MAGI2: variants seen among roughly 807,000 people sequenced by gnomAD.
MAGI2 encodes the protein membrane-associated guanylate kinase, WW and PDZ domain-containing protein 2.
Under a neutral mutation model 133.3 loss-of-function variants are expected in MAGI2, and 35 were observed. The ratio of observed to expected loss-of-function variants is 0.26; its 90% CI spans 0.20 to 0.35. MAGI2 has a LOEUF of 0.35. Ranked by LOEUF, MAGI2 falls within the 10% of genes least tolerant of loss-of-function variation. The probability of loss-of-function intolerance (pLI) is 1.00; values close to 1 mark genes in which losing one functional copy is unlikely to be tolerated. For missense variants in MAGI2, 1,636 were observed against 1,863.4 expected (o/e 0.88, Z 2.25); for synonymous variants, 729 against 710.6 (o/e 1.03, Z -0.41).
At chr7:78,359,435 A>C (rs568522271) in intron 7 of MAGI2, 1 of 152,356 alleles carries the variant, frequency 6.6e-6, no homozygotes, top group East Asian at 1.9e-4. Context: ...CCAGAATGAA[A>C]TAAATTACTT....
chr7:78,487,768 G>A (rs1022758735), intron 6 of MAGI2, among the ~76,000 whole-genome samples: 1 of 152,020 alleles, frequency 6.6e-6, no homozygotes, highest in Admixed American at 6.6e-5. Context: ...CATCATCGGA[G>A]CCTCTACATT....
At chr7:79,223,480 T>C (rs1830614404) in intron 1 of MAGI2, among the ~76,000 whole-genome samples, 1 of 151,980 alleles carries the variant, frequency 6.6e-6, no homozygotes, top group South Asian at 2.1e-4. Flanking sequence ...TGTTGTTGCA[T>C]TTAATCTTCC....
intron 2 of MAGI2, among the ~76,000 whole-genome samples, chr7:78,772,072 G>A (rs1208369338): frequency 6.6e-6 from 1 of 152,126 alleles, no homozygotes; most frequent in Non-Finnish European, 1.5e-5. Flanking sequence ...TGCTAACCTA[G>A]TATAGTATTG....
chr7:78,479,540 C>A (rs1010926202), intron 6 of MAGI2, among the ~76,000 whole-genome samples: 61 of 151,992 alleles, frequency 4.0e-4, no homozygotes, highest in African/African-American at 1.4e-3. Context: ...GAGAACTAAG[C>A]AGACCAAAAA....
chr7:78,603,584 G>A lies in MAGI2; in HGVS notation c.538+23536C>T, dbSNP rs539269282. On this transcript the variant is annotated intron_variant, in intron 3 of 21. Coordinates refer to ENST00000354212, the MANE Select transcript of MAGI2 (RefSeq NM_012301.4). ...TGTCACCGAGGCTGGAGTGCACGAC[G>A]CGATGTCAGCTCACTGCAACCTCTG... Among the ~76,000 whole-genome samples the A allele has an allele frequency of 4.3e-4, 65 of 152,224 alleles. 1 individual carries two copies. Among genetic ancestry groups the A allele is most frequent in the African/African-American group, 1.4e-3 (59 of 41,542 alleles).
At chr7:79,006,062 A>T (rs950839196) in intron 2 of MAGI2, among the ~76,000 whole-genome samples, 11 of 152,172 alleles carry the variant, frequency 7.2e-5, no homozygotes, top group Non-Finnish European at 1.2e-4. Flanking sequence ...GGGCTGGGTG[A>T]TAACCTTTCC....
At chr7:78,832,856 C>G (rs926466219) in intron 2 of MAGI2, among the ~76,000 whole-genome samples, 1 of 152,162 alleles carries the variant, frequency 6.6e-6, no homozygotes, top group African/African-American at 2.4e-5. Context: ...GGGGGTTTCA[C>G]ATCACCAAGA....
chr7:78,111,197 T>C (rs912685839), intron 20 of MAGI2, among the ~76,000 whole-genome samples: 13 of 152,198 alleles, frequency 8.5e-5, no homozygotes, highest in African/African-American at 2.9e-4. Flanking sequence ...ACGGTTAAGC[T>C]TAAAAGAGAA....
chr7:78,443,870 C>T (rs976146535), intron 6 of MAGI2, among the ~76,000 whole-genome samples: 7 of 152,050 alleles, frequency 4.6e-5, no homozygotes, highest in Non-Finnish European at 8.8e-5. Context: ...AAGAACATGA[C>T]CTGTCATTCC....
chr7:78,365,115 A>G (rs938186856), intron 7 of MAGI2, among the ~76,000 whole-genome samples: 4 of 152,008 alleles, frequency 2.6e-5, no homozygotes, highest in African/African-American at 9.7e-5. Context: ...GGTCCAAACA[A>G]TAAGGATTCC....
At chr7:78,529,340 T>C (rs1797240319) in intron 3 of MAGI2, among the ~76,000 whole-genome samples, 1 of 152,212 alleles carries the variant, frequency 6.6e-6, no homozygotes, top group East Asian at 1.9e-4. Context: ...GGACACTCTT[T>C]CCTTCAGTGG....
At position 79,001,585 on chromosome 7, in the gene MAGI2, C is replaced by T. The variant is rs187945688; in HGVS notation, c.418+5505G>A. On this transcript the variant is annotated intron_variant, in intron 2 of 21. Transcript: ENST00000354212. ...TAAACAGCCGTGATTATTTTTTCCT[C>T]ATATTTAAGAAGCATGTCAGTTTAA... Among the ~76,000 whole-genome samples the T allele has an allele frequency of 2.1e-3, 314 of 152,270 alleles. 1 individual carries two copies. The highest frequency in any genetic ancestry group is 0.014 in the Middle Eastern group (4 of 294).
chr7:78,825,189 A>G lies in MAGI2; in HGVS notation c.418+181901T>C, dbSNP rs533354916. On this transcript the variant is annotated intron_variant, in intron 2 of 21. Coordinates refer to ENST00000354212, the MANE Select transcript of MAGI2 (RefSeq NM_012301.4). The stretch of plus-strand genomic sequence containing the variant: ...TATAGGTGCAGCAAACCATCATGGC[A>G]CATGTATACCTACGTAACAAACTTG... Among the ~76,000 whole-genome samples, 5 of 152,290 alleles carry G rather than the reference A, an allele frequency of 3.3e-5. No homozygotes were observed. The East Asian group carries it at 9.7e-4, about 29-fold the overall frequency.
chr7:78,565,948 C>T (rs1386708674), intron 3 of MAGI2, among the ~76,000 whole-genome samples: 6 of 152,090 alleles, frequency 3.9e-5, no homozygotes, highest in Non-Finnish European at 7.3e-5. Flanking sequence ...CTCCCTGCCT[C>T]GGTTTAGTCA....
At chr7:78,919,122 C>T (rs192307659) in intron 2 of MAGI2, among the ~76,000 whole-genome samples, 1 of 152,212 alleles carries the variant, frequency 6.6e-6, no homozygotes, top group African/African-American at 2.4e-5. Context: ...AAGAGTCACA[C>T]ATAAACCTAC....
At chr7:79,152,866 G>A (rs1202763395) in intron 1 of MAGI2, among the ~76,000 whole-genome samples, 1 of 152,190 alleles carries the variant, frequency 6.6e-6, no homozygotes, top group African/African-American at 2.4e-5. Flanking sequence ...AGGATAAACT[G>A]AGTACAGACT....
At chr7:78,848,949 C>T (rs111822654) in intron 2 of MAGI2, among the ~76,000 whole-genome samples, 2 of 152,120 alleles carry the variant, frequency 1.3e-5, no homozygotes, top group Non-Finnish European at 2.9e-5. Flanking sequence ...AGAAATGGCA[C>T]AATGCTTGGC....
At chr7:79,113,553 T>G (rs1819126839) in intron 1 of MAGI2, among the ~76,000 whole-genome samples, 1 of 152,218 alleles carries the variant, frequency 6.6e-6, no homozygotes, top group African/African-American at 2.4e-5. Flanking sequence ...AGATGTGATA[T>G]GATTGGTCAC....
chr7:78,528,566 G>A (rs1797177369), intron 3 of MAGI2, among the ~76,000 whole-genome samples: 1 of 152,220 alleles, frequency 6.6e-6, no homozygotes, highest in South Asian at 2.1e-4. Flanking sequence ...AATGACGTGA[G>A]TAAATATAAC....
Sources: allele counts gnomAD v4.1 joint callset (sites outside exome capture counted in the v4.1 genomes callset), GRCh38; gene constraint gnomAD v4.1.1; transcripts MANE v1.5; gene names NCBI Gene and HGNC (gene_info 2026-07-23, HGNC 2026-07-21).